The following HGS variants were observed in gnomAD, a reference collection of about 807,000 sequenced individuals.
The protein encoded by HGS is hepatocyte growth factor-regulated tyrosine kinase substrate, also known as human growth factor-regulated tyrosine kinase substrate.
HGS carries 63 observed loss-of-function variants against 109.7 expected under a neutral mutation model. That is an observed-to-expected ratio of 0.57 (90% CI 0.47 to 0.71). HGS has a LOEUF of 0.71. Ranked by LOEUF, HGS falls within the 30% of genes least tolerant of loss-of-function variation. The pLI is 0.00. For synonymous variants in HGS, 546 were observed against 437.3 expected (o/e 1.25, Z -3.10); for missense variants, 995 against 1,068.3 (o/e 0.93, Z 0.96).
Position 81,695,969 on chromosome 17 carries a change from G to C in HGS, c.1363G>C (p.Glu455Gln), listed in dbSNP as rs1480694008. 5.7e-6 allele frequency: 9 copies of C among 1,568,990 alleles called. No homozygotes were observed. Among genetic ancestry groups the C allele is most frequent in the Non-Finnish European group, 7.8e-6 (9 of 1,153,614 alleles). The change falls in exon 15 of 22, where the codon GAG (glutamate) becomes CAG (glutamine). Residue 455 changes from glutamate to glutamine, a missense_variant. Coordinates refer to ENST00000329138, the MANE Select transcript of HGS (RefSeq NM_004712.5). ...CAACGGCATGCACCCGCAGCTGCTG[G>C]AGCTGCTCAACCAGCTGGACGAGCG... ...SINGMHPQLL[E>Q]LLNQLDERRL...
intron 15 of HGS, 50 bp from the exon 16 acceptor site, chr17:81,696,304 GCTT>G: frequency 6.8e-7 from 1 of 1,475,264 alleles, no homozygotes; most frequent in Non-Finnish European, 9.0e-7. Flanking sequence ...CCACCCAGGA[GCTT>G]CTCGGCACTG....
intron 4 of HGS, among the ~76,000 whole-genome samples, chr17:81,688,111 C>G (rs1014672182): frequency 2.0e-5 from 3 of 152,194 alleles, no homozygotes; most frequent in African/African-American, 7.2e-5. Flanking sequence ...TGCCCCGGAG[C>G]CTGCTTGCAG....
chr17:81,690,559 C>G, intron 6 of HGS, 115 bp from the exon 7 acceptor site: 4 of 1,037,140 alleles, frequency 3.9e-6, no homozygotes, highest in Non-Finnish European at 5.6e-6. Context: ...GCATTGCTCT[C>G]GCTCGTGCTG....
At chr17:81,700,383 AAAG>A in intron 18 of HGS, 81 bp from the exon 19 acceptor site, 1 of 1,403,298 alleles carries the variant, frequency 7.1e-7, no homozygotes, top group Non-Finnish European at 9.5e-7. Flanking sequence ...AAAAAAAAAA[AAAG>A]TAAAACTCAA....
chr17:81,690,489 C>G (rs951077608), intron 6 of HGS, 185 bp from the exon 7 acceptor site: 1 of 623,980 alleles, frequency 1.6e-6, no homozygotes, highest in Non-Finnish European at 2.7e-6. Flanking sequence ...GGAAGGAAGT[C>G]CCTTCCTCAG....
At chr17:81,700,936 ACT>A (rs1293589438) in intron 20 of HGS, 107 bp from the exon 21 acceptor site, 4 of 1,518,138 alleles carry the variant, frequency 2.6e-6, no homozygotes, top group Non-Finnish European at 3.6e-6. Flanking sequence ...CTCCCCCTCC[ACT>A]CTCTGGGTGC....
At chr17:81,690,957 C>A in intron 7 of HGS, 1 of 539,002 alleles carries the variant, frequency 1.9e-6, no homozygotes, top group Non-Finnish European at 3.3e-6. Flanking sequence ...CAGCCTCACT[C>A]TGGAATTATA....
intron 18 of HGS, 133 bp downstream of exon 18, chr17:81,697,131 T>C (rs937277462): frequency 9.8e-7 from 1 of 1,025,178 alleles, no homozygotes; most frequent in African/African-American, 1.6e-5. Context: ...CCCTGCTTTT[T>C]CCTGTTTCCA....
Position 81,693,769 on chromosome 17 carries a change from G to A in HGS, c.840+17G>A, listed in dbSNP as rs770884862. The A allele has an allele frequency of 1.3e-4, 202 of 1,538,342 alleles. No homozygotes were observed. Among genetic ancestry groups the A allele is most frequent in the Non-Finnish European group, 1.7e-4 (195 of 1,144,740 alleles). ...GAGAGGCTGGTAAGCCGGGTGGGGC[G>A]GGGCGGCCTCAGGAGGGGCCCAGCT... On this transcript the variant is annotated intron_variant, in intron 10 of 21. Coordinates refer to ENST00000329138, the MANE Select transcript of HGS (RefSeq NM_004712.5).
Position 81,700,586 on chromosome 17 carries a change from A to G in HGS, c.2002A>G (p.Thr668Ala), listed in dbSNP as rs2037220644. Residue 668 changes from threonine to alanine, a missense_variant, in exon 19 of 22, where the codon ACA (threonine) becomes GCA (alanine). Thr to Ala is a moderately conservative substitution (Grantham distance 58). Around this residue, in one of 6 missense-constraint regions of HGS, gnomAD observed 326 missense variants for 309.7 expected, o/e 1.05. Transcript: ENST00000329138. ...PAYSSYQPTP[T>A]AGYQNVASQA... The stretch of plus-strand genomic sequence containing the variant: ...TTACTCATCCTACCAGCCTACTCCC[A>G]CAGCGGGCTACCAGGTACACAGGAA... 1.2e-6 allele frequency: 2 copies of G among 1,606,566 alleles called. No homozygotes were observed. The highest frequency in any genetic ancestry group is 1.7e-6 in the Non-Finnish European group (2 of 1,175,922).
chr17:81,695,516 T>C (rs2037132108), intron 14 of HGS, among the ~76,000 whole-genome samples: 1 of 152,212 alleles, frequency 6.6e-6, no homozygotes, highest in African/African-American at 2.4e-5. Flanking sequence ...CTGGGGCTTG[T>C]GGGCTGGTTG....
intron 5 of HGS, among the ~76,000 whole-genome samples, chr17:81,689,084 A>G (rs2037026302): frequency 6.6e-6 from 1 of 152,228 alleles, no homozygotes; most frequent in African/African-American, 2.4e-5. Flanking sequence ...GGCAGCAGAC[A>G]GCCTGTTTCA....
intron 11 of HGS, among the ~76,000 whole-genome samples, chr17:81,694,354 G>A (rs1039725788): frequency 6.6e-6 from 1 of 152,244 alleles, no homozygotes; most frequent in Non-Finnish European, 1.5e-5. Context: ...TTTGCAGGGG[G>A]TTGGGTCGGG....
At chr17:81,690,362 CTGTGTG>C in intron 6 of HGS, 128 bp downstream of exon 6, 1 of 974,260 alleles carries the variant, frequency 1.0e-6, no homozygotes, top group South Asian at 1.5e-5. Context: ...CTGAGGATGC[CTGTGTG>C]TCCTGGGCGG....
chr17:81,684,148 C>T lies in HGS; in HGVS notation c.37+45C>T, dbSNP rs757588396. 44 of 1,469,082 alleles carry T rather than the reference C, an allele frequency of 3.0e-5. No individual in the cohort carries two copies. In the South Asian group the frequency reaches 5.8e-4, roughly 19 times the overall value. 91.0% of individuals were successfully genotyped at this position (1,469,082 alleles called of 1,614,324 possible). On this transcript the variant is annotated intron_variant, in intron 1 of 21. Transcript: ENST00000329138. Reference sequence around the variant, plus strand: ...CGGCTCGGCCTTGGTCAGCCCGCAGCCTCCGCCCGGCGCTGAGTCAGCGCG... The same window carrying T: ...CGGCTCGGCCTTGGTCAGCCCGCAGTCTCCGCCCGGCGCTGAGTCAGCGCG...
Position 81,701,273 on chromosome 17 carries a change from A to G in HGS, c.2223+142A>G, listed in dbSNP as rs760728107. 57 of 836,570 alleles carry G rather than the reference A, an allele frequency of 6.8e-5. No individual in the cohort carries two copies. In the African/African-American group the frequency reaches 8.1e-4, roughly 12 times the overall value. 51.8% of individuals were successfully genotyped at this position (836,570 alleles called of 1,614,324 possible). A position where few individuals can be genotyped will look rare whatever the true frequency, so the allele number is the denominator to read the frequency against. On this transcript the variant is annotated intron_variant, in intron 21 of 21. Coordinates refer to ENST00000329138, the MANE Select transcript of HGS (RefSeq NM_004712.5). ...AGACGCATACCCGAGGCCCCTTCTC[A>G]GCAGACAGAACGAGGACACAAGTCT...
Position 81,696,902 on chromosome 17 carries a change from G to A in HGS, c.1786G>A (p.Ala596Thr), listed in dbSNP as rs756201232. ...PASFPSTFSP[A>T]GSVEGSPMHG... Reference sequence around the variant, plus strand: ...CAGCTTCCCCAGCACCTTCAGCCCTGCCGGCTCGGTGGAGGGCTCCCCAAT... The same window carrying A: ...CAGCTTCCCCAGCACCTTCAGCCCTACCGGCTCGGTGGAGGGCTCCCCAAT... Residue 596 changes from alanine (A) to threonine (T), a missense_variant, in exon 18 of 22, where the codon GCC becomes ACC. Physicochemically the swap from Ala to Thr is moderately conservative, Grantham distance 58 (BLOSUM62 0). Around this residue, in one of 6 missense-constraint regions of HGS, gnomAD observed 326 missense variants for 309.7 expected, o/e 1.05. Coordinates refer to ENST00000329138, the MANE Select transcript of HGS (RefSeq NM_004712.5). 1.2e-5 allele frequency: 20 copies of A among 1,609,278 alleles called. No homozygotes were observed. The highest frequency in any genetic ancestry group is 6.7e-5 in the African/African-American group (5 of 75,028).
chr17:81,691,226 A>G lies in HGS; in HGVS notation c.538-221A>G. The G allele has an allele frequency of 1.8e-6, 1 of 567,420 alleles. No homozygotes were observed. The highest frequency in any genetic ancestry group is 1.9e-5 in the African/African-American group (1 of 53,250). 35.1% of individuals were successfully genotyped at this position (567,420 alleles called of 1,614,324 possible). On this transcript the variant is annotated intron_variant, in intron 7 of 21. Transcript: ENST00000329138. This position sits in a 1 kb window ranked among gnomAD's most constrained non-coding sequence, Gnocchi z 5.3. ...TATTTTTTCCTTGCCCTTACTTTTA[A>G]CTTACCTTATTTTCCCCAAAACGGT...
intron 2 of HGS, 83 bp from the exon 3 acceptor site, chr17:81,686,229 C>T (rs67703038): frequency 0.064 from 72,781 of 1,139,400 alleles, 3,375 homozygotes; most frequent in East Asian, 0.26. Context: ...CTGCACCTGG[C>T]AGCAGATGAG....
Sources: gnomAD v4.1 joint callset for allele counts (sites outside exome capture counted in the v4.1 genomes callset) on GRCh38, gnomAD v4.1.1 for gene constraint, gnomAD v4.1.1 regional missense constraint, Gnocchi (gnomAD v3.1) non-coding constraint, MANE v1.5 for transcripts, NCBI Gene and HGNC (gene_info 2026-07-23, HGNC 2026-07-21) for gene names.